The following CAPN13 variants were observed in gnomAD, a reference collection of about 807,000 sequenced individuals.
The protein encoded by CAPN13 is calpain 13.
Under a neutral mutation model 98.4 loss-of-function variants are expected in CAPN13, and 90 were observed. That is an observed-to-expected ratio of 0.92 (90% CI 0.77 to 1.09). The LOEUF (loss-of-function observed/expected upper bound fraction) is 1.09, where lower values mean the gene tolerates loss of function less well. Among genes scored for constraint, CAPN13 ranks in the 50% least tolerant of loss-of-function variants. The probability of loss-of-function intolerance (pLI) is 0.00; values close to 1 mark genes in which losing one functional copy is unlikely to be tolerated. For synonymous variants in CAPN13, 330 were observed against 305.5 expected (o/e 1.08, Z -0.84); for missense variants, 887 against 841.3 (o/e 1.05, Z -0.67).
At chr2:30,751,004 G>A in intron 11 of CAPN13, 99 bp downstream of exon 11, 2 of 1,331,092 alleles carry the variant, frequency 1.5e-6, no homozygotes, top group African/African-American at 2.9e-5. Context: ...CCAAGGCTGT[G>A]GTGCAGTCAA....
At chr2:30,796,724 G>A (rs995941617) in intron 1 of CAPN13, among the ~76,000 whole-genome samples, 1 of 152,180 alleles carries the variant, frequency 6.6e-6, no homozygotes, top group African/African-American at 2.4e-5. Context: ...ATAGTGAGCA[G>A]GATCTGTCTT....
chr2:30,767,717 T>C (rs1001480989), intron 5 of CAPN13, among the ~76,000 whole-genome samples: 9 of 152,332 alleles, frequency 5.9e-5, no homozygotes, highest in Admixed American at 4.6e-4. Context: ...ATAAAAAATT[T>C]AGTTTTTCAC....
At chr2:30,725,619 G>A (rs1005846978) in intron 22 of CAPN13, among the ~76,000 whole-genome samples, 23 of 152,124 alleles carry the variant, frequency 1.5e-4, no homozygotes, top group African/African-American at 5.3e-4. Context: ...GACTTTGCTC[G>A]CTCCAGGGAC....
chr2:30,733,372 A>G (rs72783015), intron 19 of CAPN13, among the ~76,000 whole-genome samples: 8,773 of 151,344 alleles, frequency 0.058, 353 homozygotes, highest in East Asian at 0.17. Context: ...GAGCTCCATC[A>G]CCCCTTTCAC....
chr2:30,783,052 T>C (rs988012048), intron 2 of CAPN13, among the ~76,000 whole-genome samples: 4 of 152,192 alleles, frequency 2.6e-5, no homozygotes, highest in Non-Finnish European at 5.9e-5. Flanking sequence ...ATGGTGCTGA[T>C]CTATTTAATG....
Position 30,732,479 on chromosome 2 carries a change from G to T in CAPN13, c.1886C>A (p.Pro629His), listed in dbSNP as rs1671152694. ...YSDSVGRVSF[P>H]SLVCFLMRLE... ...CCGCATCAGGAAGCAGACCAGGCTG[G>T]GGAAGCTGACCCTGCCGACGCTGTC... The change falls in exon 20 of 23, where the codon CCC (proline) becomes CAC (histidine). Residue 629 changes from proline to histidine, a missense_variant. Pro to His is a moderately conservative substitution (Grantham distance 77). Transcript: ENST00000295055. 6.2e-7 allele frequency: 1 copy of T among 1,613,548 alleles called. No individual in the cohort carries two copies. The highest frequency in any genetic ancestry group is 1.7e-5 in the Admixed American group (1 of 59,992).
At chr2:30,771,088 T>A (rs1366650326) in intron 4 of CAPN13, among the ~76,000 whole-genome samples, 1 of 152,214 alleles carries the variant, frequency 6.6e-6, no homozygotes, top group African/African-American at 2.4e-5. Flanking sequence ...CTGGCTGGCA[T>A]CGCTACTGCT....
chr2:30,749,350 C>T (rs1327155847), intron 11 of CAPN13, among the ~76,000 whole-genome samples: 4 of 152,196 alleles, frequency 2.6e-5, no homozygotes, highest in Non-Finnish European at 4.4e-5. Context: ...AAATACGTCT[C>T]GTCCAAAGCA....
intron 4 of CAPN13, among the ~76,000 whole-genome samples, chr2:30,771,941 A>G (rs923064290): frequency 1.3e-5 from 2 of 152,256 alleles, no homozygotes; most frequent in Admixed American, 1.3e-4. Flanking sequence ...ACTCTTTGTC[A>G]GTGGCCGTTT....
intron 1 of CAPN13, among the ~76,000 whole-genome samples, chr2:30,795,762 C>A (rs184564253): frequency 2.6e-5 from 4 of 152,102 alleles, no homozygotes; most frequent in African/African-American, 4.8e-5. Context: ...TACACTAATA[C>A]AAATGTATTA....
chr2:30,799,225 A>G (rs1029439832), intron 1 of CAPN13, among the ~76,000 whole-genome samples: 1 of 152,090 alleles, frequency 6.6e-6, no homozygotes. Context: ...GAAGACAGAA[A>G]ATTTTGTGTG....
chr2:30,759,010 C>T (rs111206635), intron 7 of CAPN13, among the ~76,000 whole-genome samples: 2 of 131,424 alleles, frequency 1.5e-5, no homozygotes, highest in African/African-American at 5.9e-5. Context: ...CTTTTCCCTT[C>T]CCTGCTCCTA....
Position 30,730,710 on chromosome 2 carries a change from C to A in CAPN13, c.*30+20G>T. ...CTCATGCTCCCAGGAGGGAAAGACT[C>A]CAAAGCTACCATGTCTTACCTGAGC... On this transcript the variant is annotated intron_variant, in intron 22 of 22. Transcript: ENST00000295055. 1 of 780,292 alleles carries A rather than the reference C, an allele frequency of 1.3e-6. No individual in the cohort carries two copies. The highest frequency in any genetic ancestry group is 2.4e-5 in the East Asian group (1 of 41,230). 48.3% of individuals were successfully genotyped at this position (780,292 alleles called of 1,614,324 possible).
At chr2:30,788,415 G>A (rs1674435768) in intron 1 of CAPN13, among the ~76,000 whole-genome samples, 1 of 152,190 alleles carries the variant, frequency 6.6e-6, no homozygotes, top group Non-Finnish European at 1.5e-5. Flanking sequence ...CGTAACTGGT[G>A]CCATTTACCA....
intron 1 of CAPN13, among the ~76,000 whole-genome samples, chr2:30,793,286 T>C (rs777326177): frequency 1.3e-5 from 2 of 151,612 alleles, no homozygotes; most frequent in Non-Finnish European, 3.0e-5. Context: ...GATACAAGGT[T>C]AATATTAAAA....
At chr2:30,793,055 A>T (rs779343713) in intron 1 of CAPN13, among the ~76,000 whole-genome samples, 3 of 151,916 alleles carry the variant, frequency 2.0e-5, no homozygotes, top group Non-Finnish European at 4.4e-5. Context: ...CATAATATTT[A>T]ATGATGGAAA....
intron 22 of CAPN13, among the ~76,000 whole-genome samples, chr2:30,728,679 C>T: frequency 6.6e-6 from 1 of 152,144 alleles, no homozygotes; most frequent in East Asian, 1.9e-4. Flanking sequence ...CAGATTTTTC[C>T]TGTGAGCAAT....
chr2:30,726,285 T>C (rs1300301618), intron 22 of CAPN13, among the ~76,000 whole-genome samples: 1 of 152,222 alleles, frequency 6.6e-6, no homozygotes, highest in African/African-American at 2.4e-5. Flanking sequence ...GTGATCATCA[T>C]ATTTAATGGC....
At chr2:30,802,948 C>T (rs1346986693) in intron 1 of CAPN13, among the ~76,000 whole-genome samples, 1 of 152,186 alleles carries the variant, frequency 6.6e-6, no homozygotes, top group Non-Finnish European at 1.5e-5. Flanking sequence ...GAGGGGATGG[C>T]AGCACTGGCT....
Sources: gnomAD v4.1 joint callset for allele counts (sites outside exome capture counted in the v4.1 genomes callset) on GRCh38, gnomAD v4.1.1 for gene constraint, MANE v1.5 for transcripts, NCBI Gene and HGNC (gene_info 2026-07-23, HGNC 2026-07-21) for gene names.